Variants in NDUFAF6 observed in about 807,000 individuals in gnomAD.
NDUFAF6 encodes the protein NADH dehydrogenase (ubiquinone) complex I, assembly factor 6.
In NDUFAF6, 45 loss-of-function variants were observed where a neutral mutation model predicts 40.8. The observed-to-expected ratio is 1.10, with a 90% CI of 0.87 to 1.42. The LOEUF (loss-of-function observed/expected upper bound fraction) is 1.42. Ranked by LOEUF, NDUFAF6 falls within the 40% of genes most tolerant of loss-of-function variation. The pLI is 0.00. For synonymous variants in NDUFAF6, 185 were observed against 155.9 expected, an observed-to-expected ratio of 1.19 and a Z score of -1.39; for missense variants, 435 against 418.5, an observed-to-expected ratio of 1.04 and a Z score of -0.34.
chr8:94,906,716 C>T (rs1818416511), intron 1 of NDUFAF6, among the ~76,000 whole-genome samples: 1 of 152,142 alleles, frequency 6.6e-6, no homozygotes, highest in Non-Finnish European at 1.5e-5. Context: ...TTGGTGGTTC[C>T]TAGTAATGAA....
At chr8:95,080,206 T>C (rs1339961965), downstream of NDUFAF6, among the ~76,000 whole-genome samples, 1 of 151,728 alleles carries the variant, frequency 6.6e-6, no homozygotes, top group Non-Finnish European at 1.5e-5. Context: ...TGATTTTTTG[T>C]AGTGTATTTT....
chr8:94,962,360 T>G (rs528184239), intron 1 of NDUFAF6, among the ~76,000 whole-genome samples: 6 of 152,358 alleles, frequency 3.9e-5, no homozygotes, highest in South Asian at 4.1e-4. Flanking sequence ...TGGCAAGATC[T>G]TGGCTCACTG....
intron 2 of NDUFAF6, among the ~76,000 whole-genome samples, chr8:95,090,839 C>A (rs761292632): frequency 1.1e-4 from 17 of 152,138 alleles, no homozygotes; most frequent in Admixed American, 3.3e-4. Context: ...AAAGGAGAGA[C>A]TGGCCTAGCA....
chr8:95,097,468 C>G (rs181666104), upstream of NDUFAF6, among the ~76,000 whole-genome samples: 1,656 of 152,174 alleles, frequency 0.011, 12 homozygotes, highest in Middle Eastern at 0.041. Context: ...GAGACTGAGG[C>G]GGGTGGATCA....
chr8:94,905,454 T>G (rs1447931025), intron 1 of NDUFAF6, among the ~76,000 whole-genome samples: 1 of 152,116 alleles, frequency 6.6e-6, no homozygotes, highest in Non-Finnish European at 1.5e-5. Context: ...TCTGTTGTAG[T>G]GAGAGGCCTA....
intron 1 of NDUFAF6, among the ~76,000 whole-genome samples, chr8:94,903,481 C>T (rs1818163069): frequency 6.6e-6 from 1 of 152,162 alleles, no homozygotes. Context: ...AATTATAGGT[C>T]ACATTCAATA....
chr8:94,968,063 C>T (rs1222223828), intron 1 of NDUFAF6, among the ~76,000 whole-genome samples: 8 of 152,304 alleles, frequency 5.3e-5, no homozygotes, highest in Non-Finnish European at 1.2e-4. Flanking sequence ...CTGCTGGCTA[C>T]TGGCCAGAGA....
At chr8:94,919,882 A>C (rs756523659) in intron 1 of NDUFAF6, among the ~76,000 whole-genome samples, 1 of 152,248 alleles carries the variant, frequency 6.6e-6, no homozygotes, top group Non-Finnish European at 1.5e-5. Context: ...AAGCATGACA[A>C]ATTAAGAAAT....
At chr8:94,997,319 CACACACACACACACACACACACACAG>C (rs1826480300) in intron 2 of NDUFAF6, among the ~76,000 whole-genome samples, 1 of 135,864 alleles carries the variant, frequency 7.4e-6, no homozygotes, top group Admixed American at 8.0e-5. Context: ...CACACACACA[CACACACACACACACACACACACACAG>C]AGAGAGAGAG....
chr8:94,921,832 TAGG>T (rs1376655128), intron 1 of NDUFAF6, among the ~76,000 whole-genome samples: 3 of 152,082 alleles, frequency 2.0e-5, no homozygotes, highest in Non-Finnish European at 4.4e-5. Flanking sequence ...CTCTGTGAAA[TAGG>T]AGGCAGAAGG....
intron 9 of NDUFAF6, among the ~76,000 whole-genome samples, chr8:95,074,528 T>C (rs1168977325): frequency 6.7e-6 from 1 of 149,256 alleles, no homozygotes; most frequent in African/African-American, 2.5e-5. Context: ...TCTCCTCCAA[T>C]GTCCTATGTC....
chr8:94,897,336 A>G (rs1347263139), intron 1 of NDUFAF6, among the ~76,000 whole-genome samples: 1 of 152,178 alleles, frequency 6.6e-6, no homozygotes, highest in African/African-American at 2.4e-5. Flanking sequence ...AAATTAGAAA[A>G]TTCCAAGACG....
chr8:95,082,096 T>C (rs1481060652), intron 2 of NDUFAF6, among the ~76,000 whole-genome samples: 1 of 151,880 alleles, frequency 6.6e-6, no homozygotes, highest in African/African-American at 2.4e-5. Context: ...AAAACTCCTG[T>C]TGTTAAAATC....
chr8:95,002,348 C>T (rs56084643), intron 2 of NDUFAF6, among the ~76,000 whole-genome samples: 3,570 of 152,270 alleles, frequency 0.023, 127 homozygotes, highest in African/African-American at 0.081. Context: ...GCTGTGAGCC[C>T]TCAAGAGCAG....
intron 2 of NDUFAF6, among the ~76,000 whole-genome samples, chr8:94,946,348 A>T (rs1821989693): frequency 1.3e-5 from 2 of 152,056 alleles, no homozygotes; most frequent in South Asian, 4.2e-4. Context: ...TTGTTAGCAT[A>T]ATTTATTTTG....
chr8:95,115,794 GT>G (rs923384539), intron 5 of NDUFAF6: 3 of 152,344 alleles, frequency 2.0e-5, no homozygotes, highest in African/African-American at 7.2e-5. Flanking sequence ...GAGAGAAGGT[GT>G]GACCTCAGAG....
chr8:94,946,695 T>TCAAAAAAAAAAAAAAAAAAAAAAA (rs1822028485), intron 2 of NDUFAF6, among the ~76,000 whole-genome samples: 1 of 6,444 alleles, frequency 1.6e-4, no homozygotes, highest in Non-Finnish European at 6.5e-4. Flanking sequence ...AGACCCTGTC[T>TCAAAAAAAAAAAAAAAAAAAAAAA]CAAAAAAAAA....
intron 1 of NDUFAF6, among the ~76,000 whole-genome samples, chr8:94,934,763 A>C (rs1294025053): frequency 2.0e-5 from 3 of 152,112 alleles, no homozygotes; most frequent in Non-Finnish European, 4.4e-5. Flanking sequence ...ATCTGAAGCA[A>C]CTCTAAAGCA....
intron 2 of NDUFAF6, among the ~76,000 whole-genome samples, chr8:94,987,455 G>A (rs1055407448): frequency 5.9e-5 from 9 of 152,144 alleles, no homozygotes; most frequent in Admixed American, 6.5e-5. Flanking sequence ...CCCCCAAAGA[G>A]GTCCATTGTC....
Sources: gnomAD v4.1 joint callset for allele counts (sites outside exome capture counted in the v4.1 genomes callset) on GRCh38, gnomAD v4.1.1 for gene constraint, MANE v1.5 for transcripts, NCBI Gene and HGNC (gene_info 2026-07-23, HGNC 2026-07-21) for gene names.